KIAA1549L: variants seen among roughly 807,000 people sequenced by gnomAD.
The protein encoded by KIAA1549L is UPF0606 protein KIAA1549L.
KIAA1549L carries 88 observed loss-of-function variants against 160.7 expected under a neutral mutation model. That is an observed-to-expected ratio of 0.55 (90% CI 0.46 to 0.65). The LOEUF (loss-of-function observed/expected upper bound fraction) is 0.65. Ranked by LOEUF, KIAA1549L falls within the 30% of genes least tolerant of loss-of-function variation. The pLI is 0.00. For missense variants in KIAA1549L, 2,258 were observed against 2,437.5 expected (o/e 0.93, Z 1.55); for synonymous variants, 950 against 976.7 (o/e 0.97, Z 0.51).
chr11:33,660,815 C>T (rs748718908), intron 19 of KIAA1549L, 48 bp from the exon 20 acceptor site: 1 of 1,594,404 alleles, frequency 6.3e-7, no homozygotes, highest in East Asian at 2.2e-5. Context: ...GGCTGGATCC[C>T]TCAGACCAGC....
rs1374560127 is a variant in KIAA1549L at position 33,671,616 on chromosome 11, A to ACACACC, written c.*3463_*3464insACACCC. On this transcript the variant is annotated 3_prime_UTR_variant, in exon 21 of 21. Transcript: ENST00000658780. The stretch of plus-strand genomic sequence containing the variant: ...CACACACACACACACACACACACAC[A>ACACACC]CCCTACTTCGGAGAGAGAATGTAGA... 6.6e-6 allele frequency: 1 copy of ACACACC among 150,878 alleles called. No individual in the cohort carries two copies. The highest frequency in any genetic ancestry group is 1.5e-5 in the Non-Finnish European group (1 of 67,810). 9.3% of individuals were successfully genotyped at this position (150,878 alleles called of 1,614,324 possible).
At chr11:33,487,412 T>C (rs1182807461) in intron 1 of KIAA1549L, among the ~76,000 whole-genome samples, 2 of 142,254 alleles carry the variant, frequency 1.4e-5, no homozygotes, top group African/African-American at 5.3e-5. Context: ...CTTTTTTTTT[T>C]TTTTTTTTTT....
At position 33,406,649 on chromosome 11, in the gene KIAA1549L, C is replaced by G. The variant is rs185260714; in HGVS notation, c.238+29760C>G. On this transcript the variant is annotated intron_variant, in intron 1 of 20. Coordinates refer to ENST00000658780, the MANE Select transcript of KIAA1549L (RefSeq NM_012194.3). The stretch of plus-strand genomic sequence containing the variant: ...GCAGGTCTGACATTTGCTCTCCACT[C>G]TGCCCTGCACTCTTCTTTCTTAAGG... Among the ~76,000 whole-genome samples, 6 of 152,374 alleles carry G rather than the reference C, an allele frequency of 3.9e-5. No homozygotes were observed. The East Asian group carries it at 1.2e-3, about 29-fold the overall frequency.
intron 1 of KIAA1549L, among the ~76,000 whole-genome samples, chr11:33,503,914 T>C (rs1455327739): frequency 6.6e-6 from 1 of 152,256 alleles, no homozygotes. Context: ...ATTATTCAGC[T>C]CTGATGACAT....
intron 1 of KIAA1549L, among the ~76,000 whole-genome samples, chr11:33,464,979 G>T (rs991085605): frequency 3.3e-5 from 5 of 149,306 alleles, no homozygotes; most frequent in Non-Finnish European, 7.4e-5. Context: ...CTGGCCCTTT[G>T]TCCAGGGGTT....
At chr11:33,476,337 G>A (rs1852285979) in intron 1 of KIAA1549L, among the ~76,000 whole-genome samples, 1 of 152,154 alleles carries the variant, frequency 6.6e-6, no homozygotes, top group African/African-American at 2.4e-5. Context: ...CAGCCCAGAG[G>A]CTGGTGCCAG....
rs1452636612 is a variant in KIAA1549L at position 33,530,427 on chromosome 11, AAAAAAAAAAATATATATATATATAT to A, written c.239-11373_239-11349del. ...AAGAAGAAGAAGGAAAAAAAAAAAA[AAAAAAAAAAATATATATATATATAT>A]ATATATATATATATATATATATATA... On this transcript the variant is annotated intron_variant, in intron 1 of 20. Transcript: ENST00000658780. Among the ~76,000 whole-genome samples, 100 of 44,116 alleles carry A rather than the reference AAAAAAAAAAATATATATATATATAT, an allele frequency of 2.3e-3. 8 individuals are homozygous for A. Among genetic ancestry groups the A allele is most frequent in the African/African-American group, 5.1e-3 (74 of 14,646 alleles). 28.9% of individuals were successfully genotyped at this position (44,116 alleles called of 152,430 possible).
chr11:33,645,544 CTAGATAGGGCACGTAGGATA>C, intron 16 of KIAA1549L, 122 bp from the exon 17 acceptor site: 1 of 659,546 alleles, frequency 1.5e-6, no homozygotes, highest in South Asian at 1.9e-5. Flanking sequence ...GTGTGAATTC[CTAGATAGGGCACGTAGGATA>C]TAATTTAAAT....
chr11:33,473,988 T>A (rs1852234668), intron 1 of KIAA1549L, among the ~76,000 whole-genome samples: 1 of 152,176 alleles, frequency 6.6e-6, no homozygotes, highest in Non-Finnish European at 1.5e-5. Context: ...CAAGAAGCCT[T>A]CTATCATGGA....
chr11:33,429,191 C>G (rs769657632), intron 1 of KIAA1549L, among the ~76,000 whole-genome samples: 4 of 152,148 alleles, frequency 2.6e-5, no homozygotes, highest in Admixed American at 6.5e-5. Flanking sequence ...AGGCTGGTCT[C>G]AAACTCCTGA....
Position 33,542,278 on chromosome 11 carries a change from A to C in KIAA1549L, c.715A>C (p.Ile239Leu). 23 of 613,964 alleles carry C rather than the reference A, an allele frequency of 3.7e-5. No individual in the cohort carries two copies. Among genetic ancestry groups the C allele is most frequent in the East Asian group, 1.2e-4 (4 of 32,790 alleles). 38.0% of individuals were successfully genotyped at this position (613,964 alleles called of 1,614,324 possible). Residue 239 changes from isoleucine to leucine, a missense_variant, in exon 2 of 21, where the codon ATT becomes CTT. This residue lies in a region of KIAA1549L where 540 missense variants were observed against 465.7 expected (regional missense o/e 1.16). Transcript: ENST00000658780. ...SISKHPPRSDIPPLLPLPPSS... is the reference protein window; with the variant it reads ...SISKHPPRSDLPPLLPLPPSS... Reference sequence around the variant, plus strand: ...TTCAAAGCATCCCCCAAGGTCAGACATTCCCCCACTCCTCCCTCTACCTCC... The same window carrying C: ...TTCAAAGCATCCCCCAAGGTCAGACCTTCCCCCACTCCTCCCTCTACCTCC...
At chr11:33,649,831 G>A (rs1442123937) in intron 17 of KIAA1549L, among the ~76,000 whole-genome samples, 1 of 148,542 alleles carries the variant, frequency 6.7e-6, no homozygotes, top group East Asian at 1.9e-4. Flanking sequence ...GTTCGAGGCT[G>A]GCCTGGGCAA....
At chr11:33,667,425 C>CTCTG in intron 20 of KIAA1549L, among the ~76,000 whole-genome samples, 1 of 151,664 alleles carries the variant, frequency 6.6e-6, no homozygotes, top group African/African-American at 2.4e-5. Context: ...CGGAGTCTCA[C>CTCTG]TCTGTCGCCC....
intron 1 of KIAA1549L, among the ~76,000 whole-genome samples, chr11:33,458,387 A>G (rs556693903): frequency 6.6e-6 from 1 of 152,354 alleles, no homozygotes; most frequent in African/African-American, 2.4e-5. Flanking sequence ...AGGACTGAAG[A>G]TAAATACATT....
intron 1 of KIAA1549L, among the ~76,000 whole-genome samples, chr11:33,422,172 C>T (rs753629446): frequency 8.6e-5 from 13 of 151,876 alleles, no homozygotes; most frequent in Non-Finnish European, 1.0e-4. Context: ...TCCGGGTATA[C>T]CTGTGGATGC....
At chr11:33,384,715 T>C (rs981985221) in intron 1 of KIAA1549L, among the ~76,000 whole-genome samples, 2 of 152,188 alleles carry the variant, frequency 1.3e-5, no homozygotes, top group African/African-American at 2.4e-5. Flanking sequence ...AATAATTTTA[T>C]TGTTGCATAT....
intron 1 of KIAA1549L, among the ~76,000 whole-genome samples, chr11:33,442,104 A>T (rs11032275): frequency 6.7e-6 from 1 of 149,422 alleles, no homozygotes; most frequent in African/African-American, 2.4e-5. Context: ...TGTATAAGGT[A>T]TAAGGAAGGG....
intron 15 of KIAA1549L, among the ~76,000 whole-genome samples, chr11:33,617,143 A>C (rs1204962393): frequency 6.6e-6 from 1 of 151,966 alleles, no homozygotes; most frequent in Non-Finnish European, 1.5e-5. Flanking sequence ...CAAAAAAAAA[A>C]AAAAAAAGGA....
At chr11:33,469,716 T>C (rs770068289) in intron 1 of KIAA1549L, among the ~76,000 whole-genome samples, 4 of 152,260 alleles carry the variant, frequency 2.6e-5, no homozygotes, top group Non-Finnish European at 5.9e-5. Context: ...ACCATCTTAG[T>C]AGATGTGAAG....
Sources: gnomAD v4.1 joint callset for allele counts (sites outside exome capture counted in the v4.1 genomes callset) on GRCh38, gnomAD v4.1.1 for gene constraint, gnomAD v4.1.1 regional missense constraint, MANE v1.5 for transcripts, NCBI Gene and HGNC (gene_info 2026-07-23, HGNC 2026-07-21) for gene names.